TRAPPC9: variants seen among roughly 807,000 people sequenced by gnomAD.
The protein encoded by TRAPPC9 is IKK2 binding protein.
Under a neutral mutation model 124.0 loss-of-function variants are expected in TRAPPC9, and 83 were observed. That is an observed-to-expected ratio of 0.67 (90% CI 0.56 to 0.80). TRAPPC9 has a LOEUF of 0.80. Among genes scored for constraint, TRAPPC9 ranks in the 30% least tolerant of loss-of-function variants. The pLI is 0.00. For missense variants in TRAPPC9, 1,302 were observed against 1,508.3 expected, an observed-to-expected ratio of 0.86 and a Z score of 2.27; for synonymous variants, 638 against 617.5, an observed-to-expected ratio of 1.03 and a Z score of -0.49.
intron 19 of TRAPPC9, among the ~76,000 whole-genome samples, chr8:139,930,386 A>T (rs867569661): frequency 2.0e-5 from 3 of 152,194 alleles, no homozygotes; most frequent in Admixed American, 6.5e-5. Context: ...TCGCCAGTCA[A>T]CTTCTCCCGT....
intron 19 of TRAPPC9, among the ~76,000 whole-genome samples, chr8:139,913,206 CTG>C (rs1280919519): frequency 1.3e-5 from 2 of 152,252 alleles, no homozygotes; most frequent in East Asian, 3.8e-4. Flanking sequence ...CTTAACAAAA[CTG>C]TAGCTAACTC....
intron 17 of TRAPPC9, among the ~76,000 whole-genome samples, chr8:140,197,561 T>C (rs1390841991): frequency 2.6e-5 from 4 of 152,206 alleles, no homozygotes. Flanking sequence ...TTGAGATGCA[T>C]CTGCCTCGGT....
intron 16 of TRAPPC9, among the ~76,000 whole-genome samples, chr8:140,239,742 T>C (rs761598182): frequency 2.0e-5 from 3 of 152,238 alleles, no homozygotes; most frequent in African/African-American, 7.2e-5. Context: ...TCCCTGGCCT[T>C]CTTCTTAGTA....
At chr8:140,318,060 TGAA>T (rs2066486502) in intron 9 of TRAPPC9, among the ~76,000 whole-genome samples, 1 of 152,202 alleles carries the variant, frequency 6.6e-6, no homozygotes, top group Non-Finnish European at 1.5e-5. Context: ...TACTAAAGTA[TGAA>T]GGTCTGAAAT....
chr8:140,089,117 T>C (rs1844398099), intron 17 of TRAPPC9, among the ~76,000 whole-genome samples: 1 of 152,192 alleles, frequency 6.6e-6, no homozygotes, highest in Non-Finnish European at 1.5e-5. Flanking sequence ...CCTCATGATT[T>C]AGCAAACCAA....
Position 139,781,447 on chromosome 8 carries a change from G to A in TRAPPC9, c.3056-49245C>T, listed in dbSNP as rs181984272. Reference sequence around the variant, plus strand: ...TCCAACTATATGACATTCTAGAAAAGGCCAAACAATAGGGGTTAGGGTACA... The same window carrying A: ...TCCAACTATATGACATTCTAGAAAAAGCCAAACAATAGGGGTTAGGGTACA... On this transcript the variant is annotated intron_variant, in intron 21 of 22. Coordinates refer to ENST00000438773, the MANE Select transcript of TRAPPC9 (RefSeq NM_001160372.4). 7.2e-4 allele frequency among the ~76,000 whole-genome samples: 110 copies of A among 152,290 alleles called. No individual in the cohort carries two copies. The East Asian group carries it at 0.02, about 28-fold the overall frequency.
intron 19 of TRAPPC9, among the ~76,000 whole-genome samples, chr8:139,936,651 A>T (rs1382492129): frequency 6.6e-6 from 1 of 152,170 alleles, no homozygotes; most frequent in Admixed American, 6.5e-5. Flanking sequence ...GTGATAAAGC[A>T]GGGAGAGAAT....
At chr8:140,346,193 T>C (rs2067343744) in intron 9 of TRAPPC9, among the ~76,000 whole-genome samples, 1 of 152,126 alleles carries the variant, frequency 6.6e-6, no homozygotes, top group African/African-American at 2.4e-5. Context: ...CTGGAGTGCA[T>C]CGGCTGGGGA....
intron 17 of TRAPPC9, among the ~76,000 whole-genome samples, chr8:140,154,999 A>G (rs1010303434): frequency 6.6e-6 from 1 of 152,140 alleles, no homozygotes; most frequent in Non-Finnish European, 1.5e-5. Context: ...TCTGTTGAGT[A>G]TCTTCTCCTA....
chr8:140,283,243 A>G (rs1241884281), intron 14 of TRAPPC9, among the ~76,000 whole-genome samples: 1 of 150,236 alleles, frequency 6.7e-6, no homozygotes, highest in Non-Finnish European at 1.5e-5. Context: ...GTCTCAAAAA[A>G]TTAATTAATT....
chr8:140,150,691 C>T (rs2061530856), intron 17 of TRAPPC9, among the ~76,000 whole-genome samples: 1 of 152,114 alleles, frequency 6.6e-6, no homozygotes, highest in Non-Finnish European at 1.5e-5. Context: ...AGACCCTGGG[C>T]AGCACCCACA....
At chr8:140,202,387 C>T (rs947680165) in intron 17 of TRAPPC9, among the ~76,000 whole-genome samples, 15 of 152,224 alleles carry the variant, frequency 9.9e-5, no homozygotes, top group African/African-American at 3.6e-4. Flanking sequence ...AGCTCTTAAA[C>T]AATCCCTTAC....
chr8:140,370,825 C>A, intron 8 of TRAPPC9, 139 bp downstream of exon 8: 1 of 913,312 alleles, frequency 1.1e-6, no homozygotes, highest in East Asian at 2.6e-5. Flanking sequence ...AGCAGGCACC[C>A]AACTCCAGGG....
At chr8:140,402,704 A>AG (rs1379737755) in intron 6 of TRAPPC9, among the ~76,000 whole-genome samples, 2 of 152,136 alleles carry the variant, frequency 1.3e-5, no homozygotes, top group Admixed American at 6.5e-5. Context: ...TCAAAAAAAA[A>AG]AAAGAAAGAA....
chr8:140,210,058 ACCGCGCTAAATCT>A (rs754856981), intron 17 of TRAPPC9, among the ~76,000 whole-genome samples: 6 of 152,168 alleles, frequency 3.9e-5, no homozygotes, highest in African/African-American at 7.2e-5. Flanking sequence ...AAACACTGTC[ACCGCGCTAAATCT>A]CCTCGGCGTC....
Position 140,397,712 on chromosome 8 carries a change from A to ACGCTT in TRAPPC9, c.1037_1041dup (p.Cys348LysfsTer52). ...GCAAGGACACGTACAGCCTTGATGC[A>ACGCTT]CGCTTCCAACTCAATCACTCCCGCA... On this transcript the variant is annotated frameshift_variant, in exon 7 of 23. Coordinates refer to ENST00000438773, the MANE Select transcript of TRAPPC9 (RefSeq NM_001160372.4). LOFTEE classifies it high-confidence loss of function. 6.2e-7 allele frequency: 1 copy of ACGCTT among 1,614,210 alleles called. No homozygotes were observed. Among genetic ancestry groups the ACGCTT allele is most frequent in the Non-Finnish European group, 8.5e-7 (1 of 1,180,028 alleles).
chr8:140,405,116 G>A (rs1235912777), intron 6 of TRAPPC9, among the ~76,000 whole-genome samples: 1 of 152,130 alleles, frequency 6.6e-6, no homozygotes, highest in Non-Finnish European at 1.5e-5. Flanking sequence ...ATGCAAAATT[G>A]TTTTCAATCC....
chr8:140,389,212 C>T (rs1194299883), intron 7 of TRAPPC9, among the ~76,000 whole-genome samples: 1 of 152,164 alleles, frequency 6.6e-6, no homozygotes, highest in African/African-American at 2.4e-5. Flanking sequence ...CTGCCTCAGC[C>T]TCCCAAAGTG....
chr8:140,311,411 G>C lies in TRAPPC9; in HGVS notation c.1496-37C>G, dbSNP rs760145388. On this transcript the variant is annotated intron_variant, in intron 9 of 22. Transcript: ENST00000438773. Reference sequence around the variant, plus strand: ...ATGAAAACAAAATAAAGATGTATTAGGCAAAAGTCAAAGTGGCTGGCTTTC... The same window carrying C: ...ATGAAAACAAAATAAAGATGTATTACGCAAAAGTCAAAGTGGCTGGCTTTC... 8 of 1,609,286 alleles carry C rather than the reference G, an allele frequency of 5.0e-6. No individual in the cohort carries two copies. In the East Asian group the frequency reaches 1.8e-4, roughly 36 times the overall value.
Sources: gnomAD v4.1 joint callset for allele counts (sites outside exome capture counted in the v4.1 genomes callset) on GRCh38, gnomAD v4.1.1 for gene constraint, MANE v1.5 for transcripts, NCBI Gene and HGNC (gene_info 2026-07-23, HGNC 2026-07-21) for gene names.